Variants in PPP1R1B observed in about 807,000 individuals in gnomAD.
PPP1R1B encodes the protein protein phosphatase 1 regulatory subunit 1B.
In PPP1R1B, 13 loss-of-function variants were observed where a neutral mutation model predicts 28.2. That is an observed-to-expected ratio of 0.46 (90% CI 0.30 to 0.73). PPP1R1B has a LOEUF of 0.73. Among genes scored for constraint, PPP1R1B ranks in the 30% least tolerant of loss-of-function variants. PPP1R1B has a pLI of 0.07. For synonymous variants in PPP1R1B, 102 were observed against 97.5 expected (o/e 1.05, Z -0.27); for missense variants, 236 against 256.7 (o/e 0.92, Z 0.55).
rs201468603 is a variant in PPP1R1B, at chr17:39,635,663, C to A, written c.502C>A (p.Pro168Thr). The change falls in exon 6 of 7, where the codon CCT becomes ACT. Residue 168 changes from proline to threonine, a missense_variant. Transcript: ENST00000254079. ...GGAAGGGCCCTGGGAGCGCCCACCC[C>A]CTCTGGATGAGTCCGAGAGAGATGG... ...GLEGPWERPP[P>T]LDESERDGGS... 8 of 1,614,170 alleles carry A rather than the reference C, an allele frequency of 5.0e-6. No individual in the cohort carries two copies. Among genetic ancestry groups the A allele is most frequent in the Non-Finnish European group, 5.1e-6 (6 of 1,180,030 alleles).
intron 4 of PPP1R1B, chr17:39,633,592 C>T (rs1288316234): frequency 5.9e-6 from 2 of 341,022 alleles, no homozygotes; most frequent in Non-Finnish European, 1.1e-5. Context: ...GCTGTGCCCG[C>T]CTGGTCTTGC....
Position 39,627,095 on chromosome 17 carries a change from C to G in PPP1R1B, c.-298C>G, listed in dbSNP as rs997249383. ...AGAGACACTCAGGAGGGGAGAGACACCGAGACGCAGAGACACCCAGGCCGG... is the reference window on the plus strand; with the variant it reads ...AGAGACACTCAGGAGGGGAGAGACAGCGAGACGCAGAGACACCCAGGCCGG... On this transcript the variant is annotated 5_prime_UTR_variant, in exon 1 of 7. Transcript: ENST00000254079. 3 of 408,346 alleles carry G rather than the reference C, an allele frequency of 7.3e-6. No individual in the cohort carries two copies. Among genetic ancestry groups the G allele is most frequent in the Admixed American group, 9.5e-5 (2 of 21,148 alleles). 25.3% of individuals were successfully genotyped at this position (408,346 alleles called of 1,614,324 possible). A position where few individuals can be genotyped will look rare whatever the true frequency, so the allele number is the denominator to read the frequency against.
Position 39,627,280 on chromosome 17 carries a change from G to A in PPP1R1B, c.-113G>A, listed in dbSNP as rs2056844317. The stretch of plus-strand genomic sequence containing the variant: ...CGGTATTTTTATCCGTGCGCGAACA[G>A]CCCTCCTCCTCCTCTCGCCGCACAG... On this transcript the variant is annotated 5_prime_UTR_variant, in exon 1 of 7. Transcript: ENST00000254079. The A allele has an allele frequency of 2.9e-6, 2 of 696,706 alleles. No individual in the cohort carries two copies. Among genetic ancestry groups the A allele is most frequent in the Non-Finnish European group, 4.5e-6 (2 of 446,072 alleles). The allele number at this position is 696,706 out of a possible 1,614,324, so 43.2% of individuals were successfully genotyped here. A position where few individuals can be genotyped will look rare whatever the true frequency, so the allele number is the denominator to read the frequency against.
At chr17:39,631,502 C>A (rs1314123896) in intron 4 of PPP1R1B, among the ~76,000 whole-genome samples, 1 of 152,200 alleles carries the variant, frequency 6.6e-6, no homozygotes, top group Non-Finnish European at 1.5e-5. Flanking sequence ...TGCCTACCAA[C>A]CCCCCACCTC....
At chr17:39,627,538 C>G in intron 1 of PPP1R1B, 65 bp downstream of exon 1, 1 of 1,041,712 alleles carries the variant, frequency 9.6e-7, no homozygotes, top group Non-Finnish European at 1.4e-6. Flanking sequence ...CTTCGCCCTC[C>G]CAAGGCGCTG....
intron 2 of PPP1R1B, 99 bp downstream of exon 2, chr17:39,629,329 G>A: frequency 7.2e-7 from 1 of 1,380,230 alleles, no homozygotes; most frequent in Admixed American, 1.7e-5. Context: ...CAAAGCTGGA[G>A]ACTGGGGAGT....
rs909475515 is a variant in PPP1R1B, at chr17:39,630,266, C to A, written c.241+219C>A. 5.5e-6 allele frequency: 3 copies of A among 546,416 alleles called. No homozygotes were observed. The African/African-American group carries it at 5.7e-5, about 10-fold the overall frequency. The allele number at this position is 546,416 out of a possible 1,614,324, so 33.8% of individuals were successfully genotyped here. A position where few individuals can be genotyped will look rare whatever the true frequency, so the allele number is the denominator to read the frequency against. ...AATGGGCAGCTATGGGCCTTAACAT[C>A]GGGTTGTGGGCTTGAAAGAAAAGAG... On this transcript the variant is annotated intron_variant, in intron 4 of 6. Coordinates refer to ENST00000254079, the MANE Select transcript of PPP1R1B (RefSeq NM_032192.4).
chr17:39,633,850 G>C (rs1292571375), intron 4 of PPP1R1B, 33 bp from the exon 5 acceptor site: 1 of 1,611,468 alleles, frequency 6.2e-7, no homozygotes. Context: ...GTGTCTAGCT[G>C]ACCCTTGCTT....
intron 4 of PPP1R1B, 83 bp from the exon 5 acceptor site, chr17:39,633,800 C>T (rs1185166250): frequency 3.1e-5 from 49 of 1,586,130 alleles, no homozygotes; most frequent in Non-Finnish European, 3.9e-5. Context: ...GGGAAGGAGG[C>T]TGGGGGCTAG....
intron 1 of PPP1R1B, chr17:39,628,729 C>T (rs1018674933): frequency 4.0e-6 from 4 of 993,928 alleles, no homozygotes; most frequent in African/African-American, 3.5e-5. Flanking sequence ...ACATGGGTGC[C>T]ATGGCCCGTG....
At position 39,628,389 on chromosome 17, in the gene PPP1R1B, C is replaced by G. The variant is rs183112003; in HGVS notation, c.82-781C>G. 129 of 409,292 alleles carry G rather than the reference C, an allele frequency of 3.2e-4. No homozygotes were observed. The Admixed American group carries it at 4.8e-3, about 15-fold the overall frequency. 25.4% of individuals were successfully genotyped at this position (409,292 alleles called of 1,614,324 possible). On this transcript the variant is annotated intron_variant, in intron 1 of 6. Coordinates refer to ENST00000254079, the MANE Select transcript of PPP1R1B (RefSeq NM_032192.4). ...GTTCTCTTTGTGCATTTCCCTGGAG[C>G]TCAACAGGGACCTAATTAACTGACA... is the stretch of plus-strand genomic sequence containing the variant.
In PPP1R1B at chr17:39,636,134, T is replaced by G; in HGVS notation, c.*269T>G. On this transcript the variant is annotated 3_prime_UTR_variant, in exon 7 of 7. Coordinates refer to ENST00000254079, the MANE Select transcript of PPP1R1B (RefSeq NM_032192.4). ...GAGGTGGGATGTGAGACAGCCCACA[T>G]TGGAAAATCCAGAAAACCGGGAACA... is the stretch of plus-strand genomic sequence containing the variant. The G allele has an allele frequency of 7.8e-6, 4 of 514,658 alleles. No homozygotes were observed. Among genetic ancestry groups the G allele is most frequent in the Non-Finnish European group, 1.4e-5 (4 of 284,960 alleles). The allele number at this position is 514,658 out of a possible 1,614,324, so 31.9% of individuals were successfully genotyped here.
intron 2 of PPP1R1B, 139 bp from the exon 3 acceptor site, chr17:39,629,401 C>A: frequency 7.6e-7 from 1 of 1,313,614 alleles, no homozygotes; most frequent in Non-Finnish European, 1.1e-6. Flanking sequence ...CTCCCAGCCG[C>A]AGGAGGGAGA....
intron 3 of PPP1R1B, 134 bp from the exon 4 acceptor site, chr17:39,629,838 C>A: frequency 1.0e-6 from 1 of 1,003,860 alleles, no homozygotes; most frequent in Non-Finnish European, 1.5e-6. Context: ...GGTGGGGAGG[C>A]TCAGCCTAGG....
chr17:39,631,415 A>C (rs966421554), intron 4 of PPP1R1B, among the ~76,000 whole-genome samples: 6 of 152,132 alleles, frequency 3.9e-5, no homozygotes, highest in African/African-American at 1.4e-4. Context: ...AACCTGGAGG[A>C]GGCTTCGTTT....
intron 4 of PPP1R1B, chr17:39,630,355 C>T (rs919718921): frequency 2.5e-6 from 1 of 398,082 alleles, no homozygotes; most frequent in Admixed American, 3.6e-5. Context: ...AGCTCCTCTT[C>T]ACCAGCCTGT....
rs766782102 is a variant in PPP1R1B at position 39,635,917 on chromosome 17, C to G, written c.*52C>G. ...AAGTGGAGGGGACATCGCTGTTCCC[C>G]AGAAACCCACTCTATCCTCACCCTG... On this transcript the variant is annotated 3_prime_UTR_variant, in exon 7 of 7. Transcript: ENST00000254079. The G allele has an allele frequency of 9.5e-6, 15 of 1,587,042 alleles. No homozygotes were observed. Among genetic ancestry groups the G allele is most frequent in the Non-Finnish European group, 1.3e-5 (15 of 1,161,988 alleles).
chr17:39,627,514 AC>A, intron 1 of PPP1R1B, 41 bp downstream of exon 1: 1 of 1,289,088 alleles, frequency 7.8e-7, no homozygotes, highest in Non-Finnish European at 1.1e-6. Flanking sequence ...TACCCGACAC[AC>A]CCCGCGGGGC....
In PPP1R1B at chr17:39,636,213, GACCCAC is replaced by G. The variant is rs1451087038; in HGVS notation, c.*350_*355del. 1 of 290,434 alleles carries G rather than the reference GACCCAC, an allele frequency of 3.4e-6. No homozygotes were observed. The highest frequency in any genetic ancestry group is 6.7e-6 in the Non-Finnish European group (1 of 149,442). The allele number at this position is 290,434 out of a possible 1,614,324, so 18.0% of individuals were successfully genotyped here. A position where few individuals can be genotyped will look rare whatever the true frequency, so the allele number is the denominator to read the frequency against. On this transcript the variant is annotated 3_prime_UTR_variant, in exon 7 of 7. Coordinates refer to ENST00000254079, the MANE Select transcript of PPP1R1B (RefSeq NM_032192.4). ...CAGATCCTCTCCCCTGGACACAGGA[GACCCAC>G]AGGGCAGGACCCTAAGATCTGGGGA...
Sources: allele counts gnomAD v4.1 joint callset (sites outside exome capture counted in the v4.1 genomes callset), GRCh38; gene constraint gnomAD v4.1.1; transcripts MANE v1.5; gene names NCBI Gene and HGNC (gene_info 2026-07-23, HGNC 2026-07-21).